The following LRMDA variants were observed in gnomAD, a reference collection of about 807,000 sequenced individuals.
LRMDA encodes the protein leucine rich melanocyte differentiation associated.
LRMDA carries 18 observed loss-of-function variants against 29.8 expected under a neutral mutation model. The ratio of observed to expected loss-of-function variants is 0.60; its 90% CI spans 0.42 to 0.90. LRMDA has a LOEUF of 0.90. LRMDA is among the 40% of genes least tolerant of loss of function. The pLI is 0.00. For synonymous variants in LRMDA, 125 were observed against 109.4 expected, an observed-to-expected ratio of 1.14 and a Z score of -0.89; for missense variants, 273 against 273.9, an observed-to-expected ratio of 1.00 and a Z score of 0.02.
At chr10:76,313,211 A>G (rs1840650557) in intron 5 of LRMDA, among the ~76,000 whole-genome samples, 1 of 152,222 alleles carries the variant, frequency 6.6e-6, no homozygotes, top group Non-Finnish European at 1.5e-5. Flanking sequence ...TGTAAAACAG[A>G]ACTAGGAGTT....
At position 76,298,443 on chromosome 10, in the gene LRMDA, A is replaced by G. The variant is rs534399806; in HGVS notation, c.517-25958A>G. Among the ~76,000 whole-genome samples the G allele has an allele frequency of 1.8e-4, 28 of 152,276 alleles. No individual in the cohort carries two copies. In the South Asian group the frequency reaches 5.6e-3, roughly 30 times the overall value. The stretch of plus-strand genomic sequence containing the variant: ...CTCCTTGTCCTTTACTTACTCATTA[A>G]CTGAGCCTGTGCAAAGGGCCTTCTG... On this transcript the variant is annotated intron_variant, in intron 5 of 6. Coordinates refer to ENST00000611255, the MANE Select transcript of LRMDA (RefSeq NM_001305581.2).
chr10:76,160,592 C>G (rs1327207012), intron 5 of LRMDA, among the ~76,000 whole-genome samples: 8 of 152,052 alleles, frequency 5.3e-5, no homozygotes, highest in Non-Finnish European at 8.8e-5. Context: ...TTTATAGATA[C>G]AAGAGGGCTC....
At chr10:75,978,854 A>G (rs1274768898) in intron 2 of LRMDA, among the ~76,000 whole-genome samples, 2 of 152,188 alleles carry the variant, frequency 1.3e-5, no homozygotes, top group Non-Finnish European at 2.9e-5. Flanking sequence ...TTTTTCTTTA[A>G]GTCTAAATTT....
At chr10:76,534,366 C>T (rs978695705) in intron 6 of LRMDA, among the ~76,000 whole-genome samples, 9 of 152,030 alleles carry the variant, frequency 5.9e-5, no homozygotes, top group Non-Finnish European at 8.8e-5. Context: ...ATGAAATGTT[C>T]GTGGAAGGGA....
intron 2 of LRMDA, among the ~76,000 whole-genome samples, chr10:75,855,773 T>C (rs1844814683): frequency 6.6e-6 from 1 of 152,222 alleles, no homozygotes; most frequent in Non-Finnish European, 1.5e-5. Flanking sequence ...AGTTTCAGCT[T>C]TCTACATATG....
intron 2 of LRMDA, among the ~76,000 whole-genome samples, chr10:75,892,237 T>C (rs561007186): frequency 6.6e-6 from 1 of 152,314 alleles, no homozygotes; most frequent in South Asian, 2.1e-4. Flanking sequence ...GAAGAAAATA[T>C]GTTATTAACT....
At chr10:75,546,002 T>C (rs942572565) in intron 2 of LRMDA, among the ~76,000 whole-genome samples, 1 of 152,132 alleles carries the variant, frequency 6.6e-6, no homozygotes, top group Admixed American at 6.6e-5. Context: ...GGGAACCAAA[T>C]GGAAAGAGCA....
chr10:75,653,379 A>C (rs990959879), intron 2 of LRMDA, among the ~76,000 whole-genome samples: 1 of 152,174 alleles, frequency 6.6e-6, no homozygotes, highest in African/African-American at 2.4e-5. Flanking sequence ...GGTCTCTTGA[A>C]GGAAAAGTCA....
intron 2 of LRMDA, among the ~76,000 whole-genome samples, chr10:75,774,336 A>G (rs1415700964): frequency 6.6e-6 from 1 of 152,008 alleles, no homozygotes; most frequent in East Asian, 1.9e-4. Flanking sequence ...GTACTGTAGG[A>G]CTTGTTAGTA....
At chr10:75,459,000 A>T (rs1589150033) in intron 2 of LRMDA, among the ~76,000 whole-genome samples, 3 of 148,464 alleles carry the variant, frequency 2.0e-5, no homozygotes, top group Non-Finnish European at 3.0e-5. Flanking sequence ...TCTGCTTTAG[A>T]TTTTTTTTTT....
chr10:75,713,887 C>A (rs1461663636), intron 2 of LRMDA, among the ~76,000 whole-genome samples: 2 of 152,136 alleles, frequency 1.3e-5, no homozygotes, highest in Admixed American at 6.5e-5. Context: ...AATGTCCTGG[C>A]AAAAGGAAGA....
At chr10:75,734,099 T>C (rs1564552760) in intron 2 of LRMDA, among the ~76,000 whole-genome samples, 2 of 152,224 alleles carry the variant, frequency 1.3e-5, no homozygotes, top group Admixed American at 1.3e-4. Context: ...GGATAGGCCC[T>C]TTCTTCTGTT....
intron 6 of LRMDA, among the ~76,000 whole-genome samples, chr10:76,326,311 G>A (rs531947262): frequency 1.2e-4 from 19 of 152,290 alleles, no homozygotes; most frequent in Middle Eastern, 3.4e-3. Flanking sequence ...CTTTCCCCAA[G>A]TGAGAAAGCC....
chr10:75,976,452 G>A (rs546213026), intron 2 of LRMDA, among the ~76,000 whole-genome samples: 2 of 152,242 alleles, frequency 1.3e-5, no homozygotes, highest in Admixed American at 6.5e-5. Flanking sequence ...ATCTTCACAA[G>A]TGCTGTTTAT....
At position 76,499,649 on chromosome 10, in the gene LRMDA, G is replaced by A. The variant is rs1842898163; in HGVS notation, c.602-57560G>A. ...GTTATTAACAGCTTATATAATCACA[G>A]TACAATGATCAAACATCGATACAAT... On this transcript the variant is annotated intron_variant, in intron 6 of 6. Coordinates refer to ENST00000611255, the MANE Select transcript of LRMDA (RefSeq NM_001305581.2). Among the ~76,000 whole-genome samples, 2 of 74,228 alleles carry A rather than the reference G, an allele frequency of 2.7e-5. 1 individual carries two copies. The highest frequency in any genetic ancestry group is 6.5e-5 in the African/African-American group (2 of 30,594). The allele number at this position is 74,228 out of a possible 152,430, so 48.7% of individuals were successfully genotyped here. A position where few individuals can be genotyped will look rare whatever the true frequency, so the allele number is the denominator to read the frequency against.
intron 5 of LRMDA, among the ~76,000 whole-genome samples, chr10:76,205,832 G>A (rs1196051121): frequency 6.6e-6 from 1 of 152,052 alleles, no homozygotes; most frequent in Non-Finnish European, 1.5e-5. Context: ...GTTGGCTGGT[G>A]GTAGGATATG....
At chr10:76,525,827 T>C (rs1040640237) in intron 6 of LRMDA, among the ~76,000 whole-genome samples, 1 of 152,194 alleles carries the variant, frequency 6.6e-6, no homozygotes, top group African/African-American at 2.4e-5. Flanking sequence ...ACTGTTAGTA[T>C]GTAGCAATTC....
intron 6 of LRMDA, among the ~76,000 whole-genome samples, chr10:76,502,908 G>T (rs1463534631): frequency 6.6e-6 from 1 of 151,806 alleles, no homozygotes; most frequent in African/African-American, 2.4e-5. Context: ...GATTGCTCTG[G>T]CTAGGGCTTC....
intron 3 of LRMDA, among the ~76,000 whole-genome samples, chr10:76,041,878 G>A (rs974972957): frequency 6.6e-6 from 1 of 152,220 alleles, no homozygotes; most frequent in African/African-American, 2.4e-5. Flanking sequence ...CCCAGCTGGA[G>A]AGAGTTGAAA....
Sources: allele counts gnomAD v4.1 joint callset (sites outside exome capture counted in the v4.1 genomes callset), GRCh38; gene constraint gnomAD v4.1.1; transcripts MANE v1.5; gene names NCBI Gene and HGNC (gene_info 2026-07-23, HGNC 2026-07-21).